ABCD3: variants seen among roughly 807,000 people sequenced by gnomAD.
ABCD3 encodes the protein ATP-binding cassette sub-family D member 3.
Under a neutral mutation model 105.5 loss-of-function variants are expected in ABCD3, and 41 were observed. The observed-to-expected ratio is 0.39, with a 90% CI of 0.30 to 0.50. The LOEUF (loss-of-function observed/expected upper bound fraction) is 0.50. ABCD3 is among the 20% of genes least tolerant of loss of function. The pLI is 0.84. For missense variants in ABCD3, 622 were observed against 806.3 expected, an observed-to-expected ratio of 0.77 and a Z score of 2.77; for synonymous variants, 258 against 269.0, an observed-to-expected ratio of 0.96 and a Z score of 0.40.
At chr1:94,449,299 T>C (rs1039162727) in intron 1 of ABCD3, among the ~76,000 whole-genome samples, 4 of 152,164 alleles carry the variant, frequency 2.6e-5, no homozygotes, top group African/African-American at 9.7e-5. Context: ...AGCCACCTAC[T>C]TGGGGACAGA....
At chr1:94,432,268 A>C (rs1481214531) in intron 1 of ABCD3, among the ~76,000 whole-genome samples, 2 of 152,212 alleles carry the variant, frequency 1.3e-5, no homozygotes, top group Non-Finnish European at 2.9e-5. Context: ...GTATGAGTAG[A>C]CCTGTGGTAG....
chr1:94,395,989 C>A, the ABCD3 span, among the ~76,000 whole-genome samples: 1 of 152,126 alleles, frequency 6.6e-6, no homozygotes, highest in Non-Finnish European at 1.5e-5. Context: ...AATCTTTAAA[C>A]CTGGAAACCA....
chr1:94,484,969 C>G (rs1210278507), intron 10 of ABCD3, among the ~76,000 whole-genome samples: 1 of 152,086 alleles, frequency 6.6e-6, no homozygotes, highest in Non-Finnish European at 1.5e-5. Flanking sequence ...ATATTTTAGG[C>G]TTTTCATACC....
chr1:94,435,383 T>TA (rs1375192421), intron 1 of ABCD3, among the ~76,000 whole-genome samples: 2 of 151,920 alleles, frequency 1.3e-5, no homozygotes, highest in African/African-American at 4.8e-5. Flanking sequence ...CTATAAAAAG[T>TA]AAAAAACATT....
At chr1:94,484,804 AT>A (rs1371672147) in intron 10 of ABCD3, among the ~76,000 whole-genome samples, 2 of 152,200 alleles carry the variant, frequency 1.3e-5, no homozygotes, top group East Asian at 3.8e-4. Context: ...TAAAAAAAAA[AT>A]TAAGTGTATT....
chr1:94,388,485 T>G, the ABCD3 span, among the ~76,000 whole-genome samples: 1 of 152,178 alleles, frequency 6.6e-6, no homozygotes, highest in East Asian at 1.9e-4. Flanking sequence ...ACCTATATGC[T>G]TACAATTCTA....
At chr1:94,467,275 A>T (rs1381371703) in intron 3 of ABCD3, among the ~76,000 whole-genome samples, 1 of 151,862 alleles carries the variant, frequency 6.6e-6, no homozygotes, top group African/African-American at 2.4e-5. Flanking sequence ...ACTGTTTATC[A>T]TATTTCTAAT....
intron 3 of ABCD3, among the ~76,000 whole-genome samples, chr1:94,466,456 A>G (rs1365495992): frequency 3.3e-5 from 5 of 152,036 alleles, no homozygotes; most frequent in South Asian, 4.1e-4. Context: ...CATTTTCCTT[A>G]TAGGGTAAAT....
At chr1:94,499,675 A>G in intron 20 of ABCD3, 61 bp downstream of exon 20, 1 of 1,597,864 alleles carries the variant, frequency 6.3e-7, no homozygotes, top group Non-Finnish European at 8.6e-7. Flanking sequence ...TTGATTAATC[A>G]GGACACAAAG....
Position 94,475,680 on chromosome 1 carries a change from A to G in ABCD3, c.570A>G (p.Thr190=). The G allele has an allele frequency of 1.9e-6, 3 of 1,611,508 alleles. No individual in the cohort carries two copies. The highest frequency in any genetic ancestry group is 2.5e-6 in the Non-Finnish European group (3 of 1,177,894). ...NRIANPDQLL[T]QDVEKFCNSV... ...TAGCTAATCCAGACCAGCTGCTTAC[A>G]CAAGATGTAGAAAAATTTTGTAACA... The change falls in exon 7 of 23, where the codon ACA becomes ACG. Residue 190 remains threonine, a synonymous_variant. Coordinates refer to ENST00000370214, the MANE Select transcript of ABCD3 (RefSeq NM_002858.4).
rs1570822198 is a variant in ABCD3, at chr1:94,498,478, A to G, written c.1387-124A>G. Reference sequence around the variant, plus strand: ...CACTGCTCTACCTAATGCTACATTTACAGACAAATAGAAGGCTTATAATTA... The same window carrying G: ...CACTGCTCTACCTAATGCTACATTTGCAGACAAATAGAAGGCTTATAATTA... On this transcript the variant is annotated intron_variant, in intron 16 of 22. Transcript: ENST00000370214. 5.1e-6 allele frequency: 5 copies of G among 984,598 alleles called. No homozygotes were observed. The East Asian group carries it at 1.3e-4, about 25-fold the overall frequency. 61.0% of individuals were successfully genotyped at this position (984,598 alleles called of 1,614,324 possible).
the ABCD3 span, among the ~76,000 whole-genome samples, chr1:94,408,233 G>A: frequency 6.6e-6 from 1 of 152,172 alleles, no homozygotes; most frequent in Non-Finnish European, 1.5e-5. Flanking sequence ...CGTTGACTGA[G>A]CCAAGTCTTG....
At chr1:94,470,642 G>C (rs1456547040) in intron 4 of ABCD3, among the ~76,000 whole-genome samples, 2 of 151,062 alleles carry the variant, frequency 1.3e-5, no homozygotes, top group South Asian at 2.1e-4. Context: ...TTCTTCATTT[G>C]AGAAATTTTC....
chr1:94,491,288 T>A, intron 16 of ABCD3, 41 bp downstream of exon 16: 2 of 1,432,886 alleles, frequency 1.4e-6, no homozygotes, highest in Non-Finnish European at 2.0e-6. Flanking sequence ...AAATCATCTT[T>A]AAAATGTGAA....
At chr1:94,506,514 CA>C (rs1221619458) in intron 20 of ABCD3, 23 bp from the exon 21 acceptor site, 1 of 1,547,594 alleles carries the variant, frequency 6.5e-7, no homozygotes, top group Non-Finnish European at 8.9e-7. Flanking sequence ...GTGTTTTACA[CA>C]AAAAATTTTT....
At chr1:94,510,668 G>A (rs979762144) in intron 21 of ABCD3, among the ~76,000 whole-genome samples, 6 of 152,208 alleles carry the variant, frequency 3.9e-5, no homozygotes, top group African/African-American at 1.4e-4. Flanking sequence ...ATGAATCTGG[G>A]TGCTCCTGTA....
the ABCD3 span, among the ~76,000 whole-genome samples, chr1:94,408,263 A>C: frequency 2.0e-4 from 31 of 152,278 alleles, no homozygotes; most frequent in African/African-American, 7.2e-4. Flanking sequence ...ATACACCGGG[A>C]TCAGGGTAGC....
At chr1:94,492,628 G>A (rs1649588063) in intron 16 of ABCD3, among the ~76,000 whole-genome samples, 1 of 152,192 alleles carries the variant, frequency 6.6e-6, no homozygotes, top group South Asian at 2.1e-4. Context: ...AAAGTAGGTA[G>A]CCAGGCTTGA....
At chr1:94,414,200 T>G (rs149831369), upstream of ABCD3, among the ~76,000 whole-genome samples, 2 of 152,146 alleles carry the variant, frequency 1.3e-5, no homozygotes, top group African/African-American at 4.8e-5. Flanking sequence ...ATCTTGGTGA[T>G]GAGAAACTAG....
Sources: allele counts gnomAD v4.1 joint callset (sites outside exome capture counted in the v4.1 genomes callset), GRCh38; gene constraint gnomAD v4.1.1; transcripts MANE v1.5; gene names NCBI Gene and HGNC (gene_info 2026-07-23, HGNC 2026-07-21).